Variants in CACNB4 observed in about 807,000 individuals in gnomAD.
CACNB4 encodes voltage-dependent L-type calcium channel subunit beta-4.
CACNB4 carries 32 observed loss-of-function variants against 71.2 expected under a neutral mutation model. The observed-to-expected ratio is 0.45, with a 90% confidence interval of 0.34 to 0.60. The LOEUF (loss-of-function observed/expected upper bound fraction) is 0.60. Among genes scored for constraint, CACNB4 ranks in the 20% least tolerant of loss-of-function variants. CACNB4 has a pLI of 0.01. For missense variants in CACNB4, 464 were observed against 647.9 expected (o/e 0.72, Z 3.08); for synonymous variants, 231 against 236.9 (o/e 0.97, Z 0.23).
At chr2:151,876,245 C>G (rs2099846214) in intron 5 of CACNB4, among the ~76,000 whole-genome samples, 181 bp downstream of exon 5, 1 of 152,096 alleles carries the variant, frequency 6.6e-6, no homozygotes, top group African/African-American at 2.4e-5. Context: ...TTCATATGGT[C>G]TCCAGTGGTG....
chr2:151,961,848 C>T (rs565853022), intron 2 of CACNB4, among the ~76,000 whole-genome samples: 5 of 152,124 alleles, frequency 3.3e-5, no homozygotes, highest in East Asian at 1.9e-4. Flanking sequence ...GCCATGATTG[C>T]GCCACTGCTC....
intron 2 of CACNB4, among the ~76,000 whole-genome samples, chr2:151,942,475 T>C (rs1157768276): frequency 6.7e-6 from 1 of 148,942 alleles, no homozygotes; most frequent in East Asian, 1.9e-4. Flanking sequence ...TTGAACAATA[T>C]GAAATCAGTG....
chr2:151,857,717 A>G (rs2099840653), intron 10 of CACNB4: 1 of 152,234 alleles, frequency 6.6e-6, no homozygotes, highest in Non-Finnish European at 1.5e-5. Flanking sequence ...AGCAGCAGAA[A>G]GACATTGATG....
intron 2 of CACNB4, among the ~76,000 whole-genome samples, chr2:151,979,962 C>G (rs924777445): frequency 6.6e-6 from 1 of 152,230 alleles, no homozygotes; most frequent in Non-Finnish European, 1.5e-5. Flanking sequence ...CAACTTACTA[C>G]TCAGCCTTGC....
At chr2:151,970,807 TCTC>T (rs1468502880) in intron 2 of CACNB4, 1 of 152,202 alleles carries the variant, frequency 6.6e-6, no homozygotes, top group Non-Finnish European at 1.5e-5. Context: ...CTGTGTGAAA[TCTC>T]CTATTCGGAA....
chr2:151,877,797 G>C (rs1029512392), intron 4 of CACNB4, among the ~76,000 whole-genome samples: 1 of 152,180 alleles, frequency 6.6e-6, no homozygotes, highest in African/African-American at 2.4e-5. Context: ...TTTAAGTTAA[G>C]TTCCATGACA....
intron 2 of CACNB4, among the ~76,000 whole-genome samples, chr2:151,938,435 T>G (rs1435719872): frequency 6.6e-6 from 1 of 152,226 alleles, no homozygotes; most frequent in Non-Finnish European, 1.5e-5. Context: ...ATTGCCCATC[T>G]GTGTCTTTCC....
intron 2 of CACNB4, among the ~76,000 whole-genome samples, chr2:152,063,721 G>A (rs1686141145): frequency 1.3e-5 from 2 of 152,172 alleles, no homozygotes; most frequent in Admixed American, 6.5e-5. Flanking sequence ...AGTGAGTGAA[G>A]CACACTGGCT....
Position 151,883,594 on chromosome 2 carries a change from C to A in CACNB4, c.148-224G>T, listed in dbSNP as rs545839079. 3 of 536,758 alleles carry A rather than the reference C, an allele frequency of 5.6e-6. No homozygotes were observed. In the African/African-American group the frequency reaches 5.7e-5, roughly 10 times the overall value. The allele number at this position is 536,758 out of a possible 1,614,324, so 33.2% of individuals were successfully genotyped here. A position where few individuals can be genotyped will look rare whatever the true frequency, so the allele number is the denominator to read the frequency against. On this transcript the variant is annotated intron_variant, in intron 2 of 13. Transcript: ENST00000539935. ...AAAAATATTTTGACTAGATTAAGTGCTAGGAAGTAAACTGCAATGAAAATT... is the reference window on the plus strand; with the variant it reads ...AAAAATATTTTGACTAGATTAAGTGATAGGAAGTAAACTGCAATGAAAATT...
Position 152,098,263 on chromosome 2 carries a change from G to A in CACNB4, c.147+67C>T. On this transcript the variant is annotated intron_variant, in intron 2 of 13. Transcript: ENST00000539935. The surrounding 1 kb of genome is among the most constrained non-coding windows in gnomAD (Gnocchi z 5.3). ...CTCCCGCACGTGTGGGCCACGGCCGGCTCCAGGACCCCCGCGCCGCGCGCT... is the reference window on the plus strand; with the variant it reads ...CTCCCGCACGTGTGGGCCACGGCCGACTCCAGGACCCCCGCGCCGCGCGCT... 7.7e-7 allele frequency: 1 copy of A among 1,306,298 alleles called. No individual in the cohort carries two copies. Among genetic ancestry groups the A allele is most frequent in the Non-Finnish European group, 1.1e-6 (1 of 902,982 alleles). 80.9% of individuals were successfully genotyped at this position (1,306,298 alleles called of 1,614,324 possible).
At chr2:151,883,660 T>G in intron 2 of CACNB4, 2 of 412,378 alleles carry the variant, frequency 4.8e-6, no homozygotes, top group South Asian at 4.4e-5. Flanking sequence ...TTGTGCTATA[T>G]TAAGCCCATA....
intron 2 of CACNB4, among the ~76,000 whole-genome samples, chr2:151,901,448 A>C (rs1238637484): frequency 6.6e-6 from 1 of 152,158 alleles, no homozygotes; most frequent in Non-Finnish European, 1.5e-5. Flanking sequence ...ATTTACTGAA[A>C]AGTCCAGGAA....
intron 9 of CACNB4, 110 bp from the exon 10 acceptor site, chr2:151,860,930 A>C (rs2099841481): frequency 1.4e-6 from 1 of 702,306 alleles, no homozygotes; most frequent in South Asian, 1.7e-5. Flanking sequence ...CAGGGGAACC[A>C]CAGTATAACA....
chr2:151,933,747 T>G (rs2063804274), intron 2 of CACNB4, among the ~76,000 whole-genome samples: 1 of 152,178 alleles, frequency 6.6e-6, no homozygotes, highest in South Asian at 2.1e-4. Flanking sequence ...GATATCAAAC[T>G]CCATATATTT....
chr2:151,974,834 A>AAG (rs3065747), intron 2 of CACNB4, among the ~76,000 whole-genome samples: 4 of 146,898 alleles, frequency 2.7e-5, no homozygotes, highest in Admixed American at 6.8e-5. Flanking sequence ...AAAAAAAAAA[A>AAG]GCTGCAGCTT....
chr2:151,944,807 C>T (rs1393568976), intron 2 of CACNB4, among the ~76,000 whole-genome samples: 1 of 152,066 alleles, frequency 6.6e-6, no homozygotes, highest in East Asian at 1.9e-4. Context: ...CAAAAAGTTA[C>T]AACTGAAGAC....
At chr2:152,027,271 C>T (rs760260816) in intron 2 of CACNB4, among the ~76,000 whole-genome samples, 1 of 152,220 alleles carries the variant, frequency 6.6e-6, no homozygotes, top group Non-Finnish European at 1.5e-5. Flanking sequence ...TTTCTGGCCA[C>T]TCCTTCATCT....
chr2:152,071,610 G>T (rs1426225948), intron 2 of CACNB4, among the ~76,000 whole-genome samples: 2 of 152,136 alleles, frequency 1.3e-5, no homozygotes, highest in African/African-American at 4.8e-5. Context: ...CCTAAGATTT[G>T]GTTGGTTTGG....
At chr2:151,885,522 C>A (rs1296445051) in intron 2 of CACNB4, among the ~76,000 whole-genome samples, 1 of 152,178 alleles carries the variant, frequency 6.6e-6, no homozygotes, top group African/African-American at 2.4e-5. Flanking sequence ...ACTTTTCATC[C>A]TCATTTCCTA....
Sources: allele counts gnomAD v4.1 joint callset (sites outside exome capture counted in the v4.1 genomes callset), GRCh38; gene constraint gnomAD v4.1.1; non-coding constraint Gnocchi (gnomAD v3.1); transcripts MANE v1.5; gene names NCBI Gene and HGNC (gene_info 2026-07-23, HGNC 2026-07-21).